COTL1: variants seen among roughly 807,000 people sequenced by gnomAD.
COTL1 encodes the protein coactosin-like protein.
COTL1 carries 15 observed loss-of-function variants against 16.5 expected under a neutral mutation model. The observed-to-expected ratio is 0.91, with a 90% confidence interval of 0.61 to 1.40. COTL1 has a LOEUF of 1.40. COTL1 is among the 40% of genes most tolerant of loss of function. The pLI is 0.00. For synonymous variants in COTL1, 112 were observed against 85.3 expected, an observed-to-expected ratio of 1.31 and a Z score of -1.73; for missense variants, 220 against 201.5, an observed-to-expected ratio of 1.09 and a Z score of -0.56.
chr16:84,570,889 G>A (rs1032128721), intron 3 of COTL1, among the ~76,000 whole-genome samples: 6 of 151,432 alleles, frequency 4.0e-5, no homozygotes, highest in East Asian at 1.9e-4. Flanking sequence ...TTCCTATTTC[G>A]TTTCCAATTT....
chr16:84,567,061 G>A, intron 3 of COTL1, 106 bp from the exon 4 acceptor site: 2 of 758,560 alleles, frequency 2.6e-6, no homozygotes, highest in Non-Finnish European at 4.7e-6. Flanking sequence ...AAACCCTGAT[G>A]AGAGATGGAA....
In COTL1 at chr16:84,590,955, A is replaced by C. The variant is rs1360792797; in HGVS notation, c.161-693T>G. Among the ~76,000 whole-genome samples the C allele has an allele frequency of 6.6e-6, 1 of 152,192 alleles. No individual in the cohort carries two copies. Among genetic ancestry groups the C allele is most frequent in the African/African-American group, 2.4e-5 (1 of 41,458 alleles). ...ACTAGGGCAATTAGGTCAACAATGA[A>C]TTCTGAACACATTTCCATTGGCTGT... On this transcript the variant is annotated intron_variant, in intron 2 of 3. Transcript: ENST00000262428. The surrounding 1 kb of genome is among the most constrained non-coding windows in gnomAD (Gnocchi z 5.5).
chr16:84,618,060 C>T lies in COTL1; in HGVS notation c.-146G>A, dbSNP rs1905553744. On this transcript the variant is annotated 5_prime_UTR_variant, in exon 1 of 4. Transcript: ENST00000262428. ...CTACGCGGCGCCTGCAAGCTGCGAGCGCGGCGGCGGCTTCCACTGCGGACG... is the reference window on the plus strand; with the variant it reads ...CTACGCGGCGCCTGCAAGCTGCGAGTGCGGCGGCGGCTTCCACTGCGGACG... 3 of 244,192 alleles carry T rather than the reference C, an allele frequency of 1.2e-5. No homozygotes were observed. The highest frequency in any genetic ancestry group is 2.0e-5 in the Non-Finnish European group (3 of 149,748). The allele number at this position is 244,192 out of a possible 1,614,324, so 15.1% of individuals were successfully genotyped here. A position where few individuals can be genotyped will look rare whatever the true frequency, so the allele number is the denominator to read the frequency against.
intron 2 of COTL1, among the ~76,000 whole-genome samples, chr16:84,598,159 A>G (rs1905044063): frequency 6.6e-6 from 1 of 152,146 alleles, no homozygotes. Context: ...TTTGAAGACT[A>G]TGGATGCCCT....
Position 84,590,373 on chromosome 16 carries a change from ACCGGTGCAGTTC to A in COTL1, c.161-123_161-112del. 1 of 1,291,712 alleles carries A rather than the reference ACCGGTGCAGTTC, an allele frequency of 7.7e-7. No homozygotes were observed. The allele number at this position is 1,291,712 out of a possible 1,614,324, so 80.0% of individuals were successfully genotyped here. A position where few individuals can be genotyped will look rare whatever the true frequency, so the allele number is the denominator to read the frequency against. On this transcript the variant is annotated intron_variant, in intron 2 of 3. Transcript: ENST00000262428. The surrounding 1 kb of genome is among the most constrained non-coding windows in gnomAD (Gnocchi z 5.5). ...TGCGCCTGGAGCAGCACAGCAGGAG[ACCGGTGCAGTTC>A]CCTGGGAGCACCATGTGCAGAGGAC...
At chr16:84,593,337 A>G (rs1904916907) in intron 2 of COTL1, among the ~76,000 whole-genome samples, 1 of 152,218 alleles carries the variant, frequency 6.6e-6, no homozygotes, top group Non-Finnish European at 1.5e-5. Context: ...TGGATGTGAG[A>G]AGGTGAGGAC....
chr16:84,599,692 G>C (rs926662551), intron 2 of COTL1, among the ~76,000 whole-genome samples: 1 of 152,212 alleles, frequency 6.6e-6, no homozygotes, highest in Non-Finnish European at 1.5e-5. Flanking sequence ...AGAGCGGCAA[G>C]ATTGCAGCTC....
intron 3 of COTL1, among the ~76,000 whole-genome samples, chr16:84,571,868 T>G (rs1212938779): frequency 6.6e-6 from 1 of 152,198 alleles, no homozygotes; most frequent in African/African-American, 2.4e-5. Flanking sequence ...GCAGCAACTC[T>G]GCAGGGGCCC....
At chr16:84,617,809 G>A in intron 1 of COTL1, 29 bp downstream of exon 1, 1 of 1,555,348 alleles carries the variant, frequency 6.4e-7, no homozygotes, top group Non-Finnish European at 8.7e-7. Flanking sequence ...CCGGGGAGCG[G>A]GGCGTGGAGA....
chr16:84,588,114 G>A (rs982796504), intron 3 of COTL1, among the ~76,000 whole-genome samples: 3 of 152,158 alleles, frequency 2.0e-5, no homozygotes, highest in East Asian at 1.9e-4. Flanking sequence ...GGGGCTGGGC[G>A]TGGTGGCCTA....
At chr16:84,593,777 G>C (rs1245167288) in intron 2 of COTL1, among the ~76,000 whole-genome samples, 1 of 152,192 alleles carries the variant, frequency 6.6e-6, no homozygotes, top group Non-Finnish European at 1.5e-5. Flanking sequence ...GGGATTACAA[G>C]CGTGAGCCAC....
chr16:84,593,464 C>A (rs1358893324), intron 2 of COTL1, among the ~76,000 whole-genome samples: 2 of 149,448 alleles, frequency 1.3e-5, no homozygotes, highest in African/African-American at 5.0e-5. Flanking sequence ...AAAACACGTT[C>A]TTTTCTTTAT....
At chr16:84,603,620 G>T (rs926831496) in intron 2 of COTL1, among the ~76,000 whole-genome samples, 13 of 152,142 alleles carry the variant, frequency 8.5e-5, no homozygotes, top group Non-Finnish European at 1.6e-4. Flanking sequence ...AGGCGGCCTT[G>T]GGACCAACGG....
At chr16:84,615,248 T>C (rs867078624) in intron 2 of COTL1, among the ~76,000 whole-genome samples, 2 of 152,138 alleles carry the variant, frequency 1.3e-5, no homozygotes, top group Non-Finnish European at 2.9e-5. Context: ...CATGGCCCAT[T>C]CATGAGGATC....
intron 2 of COTL1, among the ~76,000 whole-genome samples, chr16:84,612,896 A>C (rs76742280): frequency 0.017 from 2,544 of 152,292 alleles, 72 homozygotes; most frequent in African/African-American, 0.058. Flanking sequence ...ACAGACCTAA[A>C]AACTGAGGCA....
chr16:84,574,961 T>C (rs1904419052), intron 3 of COTL1, among the ~76,000 whole-genome samples: 1 of 152,148 alleles, frequency 6.6e-6, no homozygotes, highest in Admixed American at 6.5e-5. Context: ...CTGTACAGAG[T>C]CTAGCCATCT....
rs1489342178 is a variant in COTL1 at position 84,591,650 on chromosome 16, AAAAAAAAAAAAAAAAC to A, written c.161-1404_161-1389del. 5.5e-4 allele frequency among the ~76,000 whole-genome samples: 42 copies of A among 76,876 alleles called. 1 individual carries two copies. Among genetic ancestry groups the A allele is most frequent in the African/African-American group, 1.9e-3 (37 of 19,230 alleles). The allele number at this position is 76,876 out of a possible 152,430, so 50.4% of individuals were successfully genotyped here. Reference sequence around the variant, plus strand: ...TCACCTCTCTAAAAAAAAAAAAAAAAAAAAAAAAAAAAAAACCAAAAAATTAGCTGGGCACGGTGGC... The same window carrying A: ...TCACCTCTCTAAAAAAAAAAAAAAAACAAAAAATTAGCTGGGCACGGTGGC... On this transcript the variant is annotated intron_variant, in intron 2 of 3. Transcript: ENST00000262428.
At chr16:84,583,490 C>T (rs1009856556) in intron 3 of COTL1, among the ~76,000 whole-genome samples, 1 of 152,124 alleles carries the variant, frequency 6.6e-6, no homozygotes, top group Non-Finnish European at 1.5e-5. Flanking sequence ...CAGGGTTTTC[C>T]TCTGTCACCC....
intron 3 of COTL1, among the ~76,000 whole-genome samples, chr16:84,581,978 C>CTTTTTTTTTTTTTTTTTTTTTTTTTTTT: frequency 1.5e-5 from 1 of 66,036 alleles, no homozygotes; most frequent in Non-Finnish European, 3.2e-5. Flanking sequence ...TACATTTCTT[C>CTTTTTTTTTTTTTTTTTTTTTTTTTTTT]TTTTTTTTTT....
Sources: gnomAD v4.1 joint callset for allele counts (sites outside exome capture counted in the v4.1 genomes callset) on GRCh38, gnomAD v4.1.1 for gene constraint, Gnocchi (gnomAD v3.1) non-coding constraint, MANE v1.5 for transcripts, NCBI Gene and HGNC (gene_info 2026-07-23, HGNC 2026-07-21) for gene names.